WLS: variants seen among roughly 807,000 people sequenced by gnomAD.
WLS encodes the protein protein wntless homolog.
WLS carries 23 observed loss-of-function variants against 62.8 expected under a neutral mutation model. That is an observed-to-expected ratio of 0.37 (90% CI 0.26 to 0.52). The LOEUF (loss-of-function observed/expected upper bound fraction) is 0.52. Among genes scored for constraint, WLS ranks in the 20% least tolerant of loss-of-function variants. The pLI, the probability that WLS is intolerant of heterozygous loss-of-function variation, is 0.92. For synonymous variants in WLS, 246 were observed against 244.1 expected, an observed-to-expected ratio of 1.01 and a Z score of -0.07; for missense variants, 615 against 697.3, an observed-to-expected ratio of 0.88 and a Z score of 1.33.
chr1:68,142,722 A>G (rs973640248), intron 10 of WLS: 5 of 152,098 alleles, frequency 3.3e-5, no homozygotes, highest in African/African-American at 1.2e-4. Flanking sequence ...GTATCAGTTT[A>G]TTTTTTCCAC....
At chr1:68,116,097 C>T (rs1034498748) in intron 11 of WLS, among the ~76,000 whole-genome samples, 1 of 152,212 alleles carries the variant, frequency 6.6e-6, no homozygotes, top group African/African-American at 2.4e-5. Context: ...CATTAACTTC[C>T]AGGTTGCTCC....
intron 2 of WLS, among the ~76,000 whole-genome samples, chr1:68,169,150 G>C (rs769070964): frequency 6.6e-6 from 1 of 152,134 alleles, no homozygotes; most frequent in Non-Finnish European, 1.5e-5. Flanking sequence ...TGCAAAACTG[G>C]TTCCTTGCTG....
intron 2 of WLS, among the ~76,000 whole-genome samples, chr1:68,164,489 C>T (rs1647033198): frequency 1.3e-5 from 2 of 152,130 alleles, no homozygotes; most frequent in Admixed American, 6.6e-5. Flanking sequence ...AACTCCTGAC[C>T]TCAGGTGATC....
intron 10 of WLS, among the ~76,000 whole-genome samples, chr1:68,143,600 T>C (rs1286254277): frequency 6.6e-6 from 1 of 152,210 alleles, no homozygotes; most frequent in Admixed American, 6.5e-5. Flanking sequence ...CAGTAGTCAG[T>C]AGAGGAACAT....
intron 1 of WLS, among the ~76,000 whole-genome samples, chr1:68,214,182 A>AAT: frequency 6.8e-6 from 1 of 146,622 alleles, no homozygotes; most frequent in East Asian, 2.0e-4. Context: ...GTGATCTCTG[A>AAT]ACACACACAC....
chr1:68,196,926 T>C (rs1043787200), intron 1 of WLS, among the ~76,000 whole-genome samples: 1 of 152,156 alleles, frequency 6.6e-6, no homozygotes, highest in East Asian at 1.9e-4. Flanking sequence ...AAATGGCACA[T>C]TTAACTGAAC....
At chr1:68,122,034 GC>G (rs762827829), downstream of WLS, among the ~76,000 whole-genome samples, 3 of 152,196 alleles carry the variant, frequency 2.0e-5, no homozygotes, top group Non-Finnish European at 4.4e-5. Context: ...CGATGATGGA[GC>G]CATAAGATAT....
In WLS at chr1:68,160,071, CTTT is replaced by C. The variant is rs58448910; in HGVS notation, c.380-827_380-825del. Among the ~76,000 whole-genome samples, 904 of 93,548 alleles carry C rather than the reference CTTT, an allele frequency of 9.7e-3. 8 individuals are homozygous for C. Among genetic ancestry groups the C allele is most frequent in the African/African-American group, 0.033 (861 of 26,492 alleles). 61.4% of individuals were successfully genotyped at this position (93,548 alleles called of 152,430 possible). ...TGAGCAAGTTCAAGAGCAGAGAAGTCTTTTTTTTTTTTTTTTTTTTTTGAGTAT... is the reference window on the plus strand; with the variant it reads ...TGAGCAAGTTCAAGAGCAGAGAAGTCTTTTTTTTTTTTTTTTTTTGAGTAT... On this transcript the variant is annotated intron_variant, in intron 2 of 11. Coordinates refer to ENST00000262348, the MANE Select transcript of WLS (RefSeq NM_024911.7).
intron 1 of WLS, among the ~76,000 whole-genome samples, chr1:68,201,763 A>T (rs1462890374): frequency 6.6e-6 from 1 of 152,178 alleles, no homozygotes; most frequent in Non-Finnish European, 1.5e-5. Context: ...CCAAAACACA[A>T]ACATACATAC....
At chr1:68,203,239 T>C (rs922403935) in intron 1 of WLS, among the ~76,000 whole-genome samples, 3 of 152,252 alleles carry the variant, frequency 2.0e-5, no homozygotes, top group Admixed American at 6.5e-5. Flanking sequence ...TCAGTGGTTT[T>C]TGTCTCATCA....
downstream of WLS, among the ~76,000 whole-genome samples, chr1:68,122,419 CTTAT>C (rs112126565): frequency 5.9e-5 from 9 of 152,258 alleles, 1 homozygote; most frequent in African/African-American, 2.2e-4. Flanking sequence ...CGTGGAATCA[CTTAT>C]TTCATTACTA....
intron 2 of WLS, among the ~76,000 whole-genome samples, chr1:68,170,563 C>T (rs1647137576): frequency 6.6e-6 from 1 of 152,128 alleles, no homozygotes; most frequent in South Asian, 2.1e-4. Flanking sequence ...GAGATGCCTC[C>T]TTTGAGAGGG....
At chr1:68,116,784 A>C (rs1385404989) in intron 11 of WLS, among the ~76,000 whole-genome samples, 1 of 152,132 alleles carries the variant, frequency 6.6e-6, no homozygotes, top group Non-Finnish European at 1.5e-5. Flanking sequence ...GAATGAATCT[A>C]TTTCTTTCAA....
exon 12 of WLS, chr1:68,098,489 T>C: frequency 7.6e-7 from 1 of 1,313,370 alleles, no homozygotes; most frequent in Non-Finnish European, 1.0e-6. Context: ...TCAAAGAATA[T>C]TTATTGTTGA....
intron 3 of WLS, among the ~76,000 whole-genome samples, chr1:68,158,641 G>A (rs1351032298): frequency 2.0e-5 from 3 of 151,946 alleles, no homozygotes; most frequent in Non-Finnish European, 4.4e-5. Flanking sequence ...AGAAAGTAAT[G>A]AATTTACATT....
chr1:68,204,424 A>G (rs564882854), intron 1 of WLS, among the ~76,000 whole-genome samples: 2 of 151,842 alleles, frequency 1.3e-5, no homozygotes, highest in Non-Finnish European at 2.9e-5. Flanking sequence ...GGTTCACGCC[A>G]TTGTCCTGCC....
chr1:68,189,352 G>T (rs1648157265), intron 2 of WLS, among the ~76,000 whole-genome samples: 1 of 152,140 alleles, frequency 6.6e-6, no homozygotes, highest in Non-Finnish European at 1.5e-5. Flanking sequence ...TGCTGAGGTT[G>T]CTAAGATCTA....
chr1:68,124,533 G>A (rs1557456539), downstream of WLS, among the ~76,000 whole-genome samples: 1 of 143,472 alleles, frequency 7.0e-6, no homozygotes. Flanking sequence ...TAACCCAGGG[G>A]ATAGAGAAAC....
intron 6 of WLS, 102 bp from the exon 7 acceptor site, chr1:68,148,762 T>G: frequency 1.0e-6 from 1 of 1,004,492 alleles, no homozygotes; most frequent in Non-Finnish European, 1.5e-6. Flanking sequence ...CCACCTATTG[T>G]GTATCAAGCA....
Sources: allele counts gnomAD v4.1 joint callset (sites outside exome capture counted in the v4.1 genomes callset), GRCh38; gene constraint gnomAD v4.1.1; transcripts MANE v1.5; gene names NCBI Gene and HGNC (gene_info 2026-07-23, HGNC 2026-07-21).